The following DOCK2 variants were observed in gnomAD, a reference collection of about 807,000 sequenced individuals.
DOCK2 encodes the protein dedicator of cytokinesis 2, also known as dedicator of cytokinesis protein 2.
In DOCK2, 87 loss-of-function variants were observed where a neutral mutation model predicts 248.9. The ratio of observed to expected loss-of-function variants is 0.35; its 90% CI spans 0.29 to 0.42. The LOEUF (loss-of-function observed/expected upper bound fraction) is 0.42, where lower values mean the gene tolerates loss of function less well. Ranked by LOEUF, DOCK2 falls within the 10% of genes least tolerant of loss-of-function variation. The pLI is 1.00. For missense variants in DOCK2, 1,747 were observed against 2,300.2 expected, an observed-to-expected ratio of 0.76 and a Z score of 4.92; for synonymous variants, 805 against 821.6, an observed-to-expected ratio of 0.98 and a Z score of 0.35.
At chr5:169,795,916 G>C (rs759941663) in intron 25 of DOCK2, among the ~76,000 whole-genome samples, 1 of 152,194 alleles carries the variant, frequency 6.6e-6, no homozygotes, top group Non-Finnish European at 1.5e-5. Flanking sequence ...CTCCGAGAGA[G>C]TTGAGCTGAG....
chr5:169,752,442 T>G (rs575933443), intron 23 of DOCK2, among the ~76,000 whole-genome samples: 1 of 152,028 alleles, frequency 6.6e-6, no homozygotes, highest in Admixed American at 6.5e-5. Context: ...TCTGAATGAA[T>G]GAATGAATGA....
intron 19 of DOCK2, among the ~76,000 whole-genome samples, chr5:169,714,938 T>C: frequency 6.6e-6 from 1 of 152,302 alleles, no homozygotes; most frequent in Middle Eastern, 3.4e-3. Flanking sequence ...TATATATGTA[T>C]GTATGTGTGT....
intron 46 of DOCK2, among the ~76,000 whole-genome samples, chr5:170,074,916 A>G (rs1757789696): frequency 2.0e-5 from 3 of 152,194 alleles, no homozygotes; most frequent in Middle Eastern, 6.8e-3. Flanking sequence ...TCCTGGCTTC[A>G]TGTAGGCAGA....
chr5:169,647,943 T>A (rs1007326386), intron 1 of DOCK2, among the ~76,000 whole-genome samples: 6 of 152,160 alleles, frequency 3.9e-5, no homozygotes, highest in African/African-American at 1.2e-4. Context: ...ACCCCACTTT[T>A]CTAGCTGCAG....
intron 27 of DOCK2, among the ~76,000 whole-genome samples, chr5:169,849,483 C>T (rs1362237515): frequency 6.6e-6 from 1 of 152,192 alleles, no homozygotes; most frequent in African/African-American, 2.4e-5. Context: ...GCACTTTGAA[C>T]TCAGTTGCCG....
intron 2 of DOCK2, among the ~76,000 whole-genome samples, chr5:169,655,238 G>A (rs1184973788): frequency 6.6e-6 from 1 of 152,192 alleles, no homozygotes; most frequent in Non-Finnish European, 1.5e-5. Context: ...GGCCCAACTG[G>A]CCTACCACAG....
At chr5:169,988,781 T>A (rs1778135801) in intron 29 of DOCK2, among the ~76,000 whole-genome samples, 1 of 152,138 alleles carries the variant, frequency 6.6e-6, no homozygotes, top group Non-Finnish European at 1.5e-5. Context: ...CAAAGTAATC[T>A]CCATATTATT....
intron 24 of DOCK2, among the ~76,000 whole-genome samples, chr5:169,760,066 G>A (rs1334755757): frequency 1.3e-5 from 2 of 152,144 alleles, no homozygotes; most frequent in Non-Finnish European, 2.9e-5. Flanking sequence ...CATTTCACCT[G>A]GGCCTGAAGG....
intron 22 of DOCK2, among the ~76,000 whole-genome samples, chr5:169,736,809 G>A (rs1235021729): frequency 6.6e-6 from 1 of 152,020 alleles, no homozygotes; most frequent in African/African-American, 2.4e-5. Context: ...CTTTTTTTAA[G>A]CACATGAGTA....
intron 25 of DOCK2, among the ~76,000 whole-genome samples, chr5:169,779,076 A>T (rs1253065902): frequency 6.6e-6 from 1 of 152,158 alleles, no homozygotes; most frequent in East Asian, 1.9e-4. Flanking sequence ...CTTTTGACTC[A>T]ATTTTGCTGT....
chr5:170,076,365 A>G (rs1757840421), intron 47 of DOCK2, among the ~76,000 whole-genome samples: 1 of 152,326 alleles, frequency 6.6e-6, no homozygotes, highest in Non-Finnish European at 1.5e-5. Flanking sequence ...TGCAGCATCT[A>G]CTATGTGCCA....
At chr5:169,980,731 T>G (rs907223960) in intron 27 of DOCK2, 6 of 152,192 alleles carry the variant, frequency 3.9e-5, no homozygotes, top group African/African-American at 1.4e-4. Context: ...TGGGAGCTGG[T>G]TAAATTAGCA....
intron 1 of DOCK2, among the ~76,000 whole-genome samples, chr5:169,638,114 T>C (rs977330643): frequency 1.3e-5 from 2 of 152,210 alleles, no homozygotes; most frequent in Non-Finnish European, 2.9e-5. Context: ...GGACTCACTG[T>C]GGTTTTTAAA....
chr5:169,692,123 G>A (rs1760340446), intron 9 of DOCK2, among the ~76,000 whole-genome samples: 1 of 152,072 alleles, frequency 6.6e-6, no homozygotes, highest in African/African-American at 2.4e-5. Flanking sequence ...CAAAGTGCTG[G>A]GATTACAGGC....
At position 169,679,657 on chromosome 5, in the gene DOCK2, A is replaced by G. The variant is rs576155437; in HGVS notation, c.471-2087A>G. On this transcript the variant is annotated intron_variant, in intron 6 of 51. Coordinates refer to ENST00000520908, the MANE Select transcript of DOCK2 (RefSeq NM_004946.3). The stretch of plus-strand genomic sequence containing the variant: ...GCTCCATCTTTTCCAAGGTCAGGAG[A>G]GCCTCTGCTAAGCATTAGCTGAATG... Among the ~76,000 whole-genome samples, 46 of 152,334 alleles carry G rather than the reference A, an allele frequency of 3.0e-4. 1 individual carries two copies. The South Asian group carries it at 9.3e-3, about 31-fold the overall frequency.
At chr5:169,738,794 G>A (rs1287739898) in intron 22 of DOCK2, among the ~76,000 whole-genome samples, 1 of 152,154 alleles carries the variant, frequency 6.6e-6, no homozygotes, top group East Asian at 1.9e-4. Flanking sequence ...GGACACAAGG[G>A]CCCAGACAGG....
chr5:169,908,713 C>CTTTTTTTTTTTTTTT (rs34261104), intron 27 of DOCK2, among the ~76,000 whole-genome samples: 9 of 105,070 alleles, frequency 8.6e-5, no homozygotes, highest in South Asian at 3.2e-4. Context: ...TTTCTTTTTT[C>CTTTTTTTTTTTTTTT]TTTTTTTTTT....
At chr5:169,664,928 T>G (rs1758639502) in intron 2 of DOCK2, among the ~76,000 whole-genome samples, 1 of 151,624 alleles carries the variant, frequency 6.6e-6, no homozygotes, top group Non-Finnish European at 1.5e-5. Context: ...CACTCATCAC[T>G]CATATAAATA....
intron 27 of DOCK2, among the ~76,000 whole-genome samples, chr5:169,913,228 C>G (rs955593614): frequency 3.3e-5 from 5 of 152,194 alleles, no homozygotes; most frequent in Non-Finnish European, 7.3e-5. Flanking sequence ...TTTGCAGTTC[C>G]TGATGGAAAC....
Sources: gnomAD v4.1 joint callset for allele counts (sites outside exome capture counted in the v4.1 genomes callset) on GRCh38, gnomAD v4.1.1 for gene constraint, MANE v1.5 for transcripts, NCBI Gene and HGNC (gene_info 2026-07-23, HGNC 2026-07-21) for gene names.